KIRREL3: variants seen among roughly 807,000 people sequenced by gnomAD.
KIRREL3 encodes the protein kin of IRRE-like protein 3.
Under a neutral mutation model 89.7 loss-of-function variants are expected in KIRREL3, and 36 were observed. The observed-to-expected ratio is 0.40, with a 90% CI of 0.31 to 0.53. KIRREL3 has a LOEUF of 0.53. Among genes scored for constraint, KIRREL3 ranks in the 20% least tolerant of loss-of-function variants. The pLI is 0.49. For missense variants in KIRREL3, 864 were observed against 1,056.6 expected, an observed-to-expected ratio of 0.82 and a Z score of 2.53; for synonymous variants, 445 against 441.4, an observed-to-expected ratio of 1.01 and a Z score of -0.10.
chr11:126,682,006 G>A lies in KIRREL3; in HGVS notation c.56-119094C>T, dbSNP rs145442734. 5.0e-6 allele frequency: 2 copies of A among 400,872 alleles called. No homozygotes were observed. The highest frequency in any genetic ancestry group is 2.9e-5 in the Admixed American group (1 of 34,920). 24.8% of individuals were successfully genotyped at this position (400,872 alleles called of 1,614,324 possible). On this transcript the variant is annotated intron_variant, in intron 1 of 16. Coordinates refer to ENST00000525144, the MANE Select transcript of KIRREL3 (RefSeq NM_032531.4). The surrounding 1 kb of genome is among the most constrained non-coding windows in gnomAD (Gnocchi z 4.8). ...GAGTTTGGGAATCAGGAGACCAGAT[G>A]TCAAGACTGGACTACATCTTTATAT... is the stretch of plus-strand genomic sequence containing the variant.
At position 126,424,804 on chromosome 11, in the gene KIRREL3, C is replaced by T. The variant is rs1471330812; in HGVS notation, c.2113G>A (p.Glu705Lys). 4.3e-6 allele frequency: 7 copies of T among 1,613,902 alleles called. No individual in the cohort carries two copies. Among genetic ancestry groups the T allele is most frequent in the Admixed American group, 3.3e-5 (2 of 60,006 alleles). The change falls in exon 17 of 17, where the codon GAG becomes AAG. Residue 705 changes from glutamate (E) to lysine (K), a missense_variant. Coordinates refer to ENST00000525144, the MANE Select transcript of KIRREL3 (RefSeq NM_032531.4). Reference sequence around the variant, plus strand: ...CTCTGGAACTCCCGCTCACAAAGCTCGATGGACGAGCTGCCCATGCCCAGC... The same window carrying T: ...CTCTGGAACTCCCGCTCACAAAGCTTGATGGACGAGCTGCCCATGCCCAGC... ...FVLGMGSSSI[E>K]LCEREFQRGS... is the part of the protein sequence containing the mutation.
chr11:126,923,176 C>CTTCTTCTTCTTCTTCTTCTTCTTCTTT (rs766266024), intron 1 of KIRREL3, among the ~76,000 whole-genome samples: 1 of 17,986 alleles, frequency 5.6e-5, no homozygotes, highest in Non-Finnish European at 1.1e-4. Flanking sequence ...TCTTCTTCTT[C>CTTCTTCTTCTTCTTCTTCTTCTTCTTT]TCTTCTTCTT....
chr11:126,733,071 CT>C (rs1341492656), intron 1 of KIRREL3, among the ~76,000 whole-genome samples: 2 of 152,228 alleles, frequency 1.3e-5, no homozygotes, highest in African/African-American at 4.8e-5. Context: ...CATTTCACCT[CT>C]GAAGTAAGAG....
intron 1 of KIRREL3, among the ~76,000 whole-genome samples, chr11:126,630,941 C>T (rs1183859645): frequency 1.3e-5 from 2 of 152,180 alleles, no homozygotes; most frequent in Non-Finnish European, 2.9e-5. Flanking sequence ...AGGCTCCTGA[C>T]CAACTAGGAG....
intron 1 of KIRREL3, among the ~76,000 whole-genome samples, chr11:126,885,835 T>G (rs1945673214): frequency 1.3e-5 from 2 of 152,226 alleles, no homozygotes; most frequent in Non-Finnish European, 1.5e-5. Context: ...GTTTCACTTT[T>G]CTATTTGGCA....
chr11:126,993,856 G>A lies in KIRREL3; in HGVS notation c.55+6599C>T, dbSNP rs1026288220. Among the ~76,000 whole-genome samples the A allele has an allele frequency of 9.2e-5, 14 of 152,088 alleles. No homozygotes were observed. The highest frequency in any genetic ancestry group is 2.9e-4 in the African/African-American group (12 of 41,384). ...TTTGTTTGTTATTGCTGCAACTCTT[G>A]GCCTCAGATTTCAGATTCCAGTTGT... is the stretch of plus-strand genomic sequence containing the variant. On this transcript the variant is annotated intron_variant, in intron 1 of 16. Coordinates refer to ENST00000525144, the MANE Select transcript of KIRREL3 (RefSeq NM_032531.4). The surrounding 1 kb of genome is among the most constrained non-coding windows in gnomAD (Gnocchi z 6.1).
chr11:126,777,488 C>G (rs1289024677), intron 1 of KIRREL3, among the ~76,000 whole-genome samples: 2 of 152,138 alleles, frequency 1.3e-5, no homozygotes, highest in Non-Finnish European at 2.9e-5. Flanking sequence ...AAAAAAACCC[C>G]AAAGCATTCC....
At chr11:126,730,185 C>T (rs1246321991) in intron 1 of KIRREL3, among the ~76,000 whole-genome samples, 1 of 152,208 alleles carries the variant, frequency 6.6e-6, no homozygotes, top group African/African-American at 2.4e-5. Flanking sequence ...TCCACTTAGC[C>T]CTTGGCCCTG....
Position 126,740,924 on chromosome 11 carries a change from G to A in KIRREL3, c.56-178012C>T, listed in dbSNP as rs1201052702. ...CCCCCATGGTAGAGTGAGTGACAAGGTTCTTGGAAATATCATCAGATAGTG... is the reference window on the plus strand; with the variant it reads ...CCCCCATGGTAGAGTGAGTGACAAGATTCTTGGAAATATCATCAGATAGTG... On this transcript the variant is annotated intron_variant, in intron 1 of 16. Transcript: ENST00000525144. This position sits in a 1 kb window ranked among gnomAD's most constrained non-coding sequence, Gnocchi z 6.0. Among the ~76,000 whole-genome samples, 1 of 152,114 alleles carries A rather than the reference G, an allele frequency of 6.6e-6. No homozygotes were observed. The highest frequency in any genetic ancestry group is 2.4e-5 in the African/African-American group (1 of 41,406).
At chr11:126,853,683 T>C (rs776151424) in intron 1 of KIRREL3, among the ~76,000 whole-genome samples, 2 of 152,152 alleles carry the variant, frequency 1.3e-5, no homozygotes, top group African/African-American at 2.4e-5. Context: ...CATATGCTTT[T>C]ATGGAGTTAT....
chr11:126,625,353 C>T (rs1040390867), intron 1 of KIRREL3, among the ~76,000 whole-genome samples: 5 of 152,132 alleles, frequency 3.3e-5, no homozygotes, highest in African/African-American at 4.8e-5. Flanking sequence ...CTGAAACAAG[C>T]GACATTTTCT....
At position 126,526,572 on chromosome 11, in the gene KIRREL3, G is replaced by A. The variant is rs372305474; in HGVS notation, c.249C>T (p.Asp83=). Residue 83 remains aspartate, a synonymous_variant, in exon 3 of 17, where the codon GAC becomes GAT. Transcript: ENST00000525144. This position sits in a 1 kb window ranked among gnomAD's most constrained non-coding sequence, Gnocchi z 5.7. ...EYDGFVLWIK[D]GLALGVGRDL... is the part of the protein sequence containing the mutation. ...CCCTGCCCACACCCAGAGCCAAGCC[G>A]TCCTTGATCCACAGAACGAAGCCAT... The A allele has an allele frequency of 9.1e-5, 147 of 1,613,158 alleles. No homozygotes were observed. Among genetic ancestry groups the A allele is most frequent in the African/African-American group, 1.9e-4 (14 of 75,040 alleles).
rs551073557 is a variant in KIRREL3 at position 126,680,415 on chromosome 11, T to TATATATATACACACAC, written c.56-117504_56-117503insGTGTGTGTATATATAT. Among the ~76,000 whole-genome samples, 38 of 151,594 alleles carry TATATATATACACACAC rather than the reference T, an allele frequency of 2.5e-4. 1 individual carries two copies. Among genetic ancestry groups the TATATATATACACACAC allele is most frequent in the African/African-American group, 8.5e-4 (35 of 41,048 alleles). Reference sequence around the variant, plus strand: ...TACTGGAGATATATATATATATATATACACATAGCCAGCAGCCAACAGAGG... The same window carrying TATATATATACACACAC: ...TACTGGAGATATATATATATATATATATATATATACACACACACACATAGCCAGCAGCCAACAGAGG... On this transcript the variant is annotated intron_variant, in intron 1 of 16. Coordinates refer to ENST00000525144, the MANE Select transcript of KIRREL3 (RefSeq NM_032531.4).
At chr11:126,717,804 C>T (rs946340023) in intron 1 of KIRREL3, among the ~76,000 whole-genome samples, 2 of 152,218 alleles carry the variant, frequency 1.3e-5, no homozygotes, top group South Asian at 4.1e-4. Flanking sequence ...TGTAATGCCA[C>T]CCTGCGCTGA....
chr11:126,430,906 A>G lies in KIRREL3; in HGVS notation c.1696+513T>C, dbSNP rs1010227718. On this transcript the variant is annotated intron_variant, in intron 14 of 16. Coordinates refer to ENST00000525144, the MANE Select transcript of KIRREL3 (RefSeq NM_032531.4). This position sits in a 1 kb window ranked among gnomAD's most constrained non-coding sequence, Gnocchi z 6.6. ...CGCAATTCTTCAAGCGTGCACAAAC[A>G]CTAGAATTTTATTGGTAATCACTGA... 5 of 917,056 alleles carry G rather than the reference A, an allele frequency of 5.5e-6. No individual in the cohort carries two copies. The African/African-American group carries it at 7.2e-5, about 13-fold the overall frequency. 56.8% of individuals were successfully genotyped at this position (917,056 alleles called of 1,614,324 possible).
chr11:126,750,108 A>G lies in KIRREL3; in HGVS notation c.56-187196T>C, dbSNP rs1388510578. On this transcript the variant is annotated intron_variant, in intron 1 of 16. Transcript: ENST00000525144. The surrounding 1 kb of genome is among the most constrained non-coding windows in gnomAD (Gnocchi z 4.2). ...TTTTTGTGGATATTGAAAATAATGGATGGAATAAATAAGTGCCTTGCACAT... is the reference window on the plus strand; with the variant it reads ...TTTTTGTGGATATTGAAAATAATGGGTGGAATAAATAAGTGCCTTGCACAT... Among the ~76,000 whole-genome samples, 1 of 152,142 alleles carries G rather than the reference A, an allele frequency of 6.6e-6. No individual in the cohort carries two copies. The highest frequency in any genetic ancestry group is 1.9e-4 in the East Asian group (1 of 5,196).
At chr11:126,480,301 C>T (rs1223736197) in intron 4 of KIRREL3, among the ~76,000 whole-genome samples, 1 of 152,188 alleles carries the variant, frequency 6.6e-6, no homozygotes, top group Non-Finnish European at 1.5e-5. Context: ...ACACAGAGAA[C>T]ATTGTAAAAG....
At position 126,624,017 on chromosome 11, in the gene KIRREL3, T is replaced by C. The variant is rs1371526505; in HGVS notation, c.56-61105A>G. Among the ~76,000 whole-genome samples, 1 of 152,134 alleles carries C rather than the reference T, an allele frequency of 6.6e-6. No homozygotes were observed. Among genetic ancestry groups the C allele is most frequent in the African/African-American group, 2.4e-5 (1 of 41,432 alleles). ...CAGACAAGGAGAAGGGAAGAGCTAA[T>C]CTCCTCTTCACCTGTGATGACTGTT... On this transcript the variant is annotated intron_variant, in intron 1 of 16. Coordinates refer to ENST00000525144, the MANE Select transcript of KIRREL3 (RefSeq NM_032531.4). The surrounding 1 kb of genome is among the most constrained non-coding windows in gnomAD (Gnocchi z 6.0).
rs779751188 is a variant in KIRREL3, at chr11:126,424,714, C to A, written c.2203G>T (p.Gly735Cys). The A allele has an allele frequency of 6.2e-7, 1 of 1,614,014 alleles. No homozygotes were observed. Among genetic ancestry groups the A allele is most frequent in the South Asian group, 1.1e-5 (1 of 91,088 alleles). ...AACTGCACATAGCCATCCTGCTTGC[C>A]GCTGCTGCTGACGCTGCTGTCACAC... ...TQCDSSVSSS[G>C]KQDGYVQFDK... Residue 735 changes from glycine (G) to cysteine (C), a missense_variant, in exon 17 of 17, where the codon GGC becomes TGC. By Grantham distance (159) the Gly-to-Cys change is radical. Transcript: ENST00000525144.
Sources: allele counts gnomAD v4.1 joint callset (sites outside exome capture counted in the v4.1 genomes callset), GRCh38; gene constraint gnomAD v4.1.1; non-coding constraint Gnocchi (gnomAD v3.1); transcripts MANE v1.5; gene names NCBI Gene and HGNC (gene_info 2026-07-23, HGNC 2026-07-21).